Variants in DGKK observed in about 807,000 individuals in gnomAD.
DGKK encodes 142 kDa diacylglycerol kinase.
In DGKK, 35 loss-of-function variants were observed where a neutral mutation model predicts 92.2. The observed-to-expected ratio is 0.38, with a 90% CI of 0.29 to 0.50. The LOEUF (loss-of-function observed/expected upper bound fraction) is 0.50. DGKK is among the 20% of genes least tolerant of loss of function. The pLI is 0.92. For synonymous variants in DGKK, 368 were observed against 360.6 expected (o/e 1.02, Z -0.23); for missense variants, 910 against 992.2 (o/e 0.92, Z 1.11).
chrX:50,469,511 G>A (rs1360704212), intron 1 of DGKK, among the ~76,000 whole-genome samples: 1 of 112,312 alleles, frequency 8.9e-6, no homozygotes, highest in African/African-American at 3.2e-5. Flanking sequence ...GCACCTCCCT[G>A]GAGGGCCGCC....
At chrX:50,419,776 TTGCACCAGTTAC>T (rs1311587508) in intron 4 of DGKK, among the ~76,000 whole-genome samples, 4 of 111,993 alleles carry the variant, frequency 3.6e-5, no homozygotes, top group Non-Finnish European at 7.5e-5. Context: ...TGAAGTTTGA[TTGCACCAGTTAC>T]TGCAGGGAGC....
At chrX:50,451,172 T>C (rs1414135574) in intron 1 of DGKK, among the ~76,000 whole-genome samples, 1 of 111,314 alleles carries the variant, frequency 9.0e-6, no homozygotes, top group Non-Finnish European at 1.9e-5. Context: ...ACTTCTCTAG[T>C]CCTCTATGAA....
chrX:50,447,357 AAT>A lies in DGKK; in HGVS notation c.645+22675_645+22676del, dbSNP rs1557231987. ...ATATATATATATTATATATATATAT[AAT>A]ATATATATATTATATATATATATAA... is the stretch of plus-strand genomic sequence containing the variant. On this transcript the variant is annotated intron_variant, in intron 1 of 27. Transcript: ENST00000611977. 2.0e-3 allele frequency among the ~76,000 whole-genome samples: 16 copies of A among 8,159 alleles called. 1 individual carries two copies. Among genetic ancestry groups the A allele is most frequent in the East Asian group, 0.015 (3 of 194 alleles). The allele number at this position is 8,159 out of a possible 115,157, so 7.1% of individuals were successfully genotyped here. A position where few individuals can be genotyped will look rare whatever the true frequency, so the allele number is the denominator to read the frequency against.
chrX:50,399,334 T>C (rs1924935914), intron 8 of DGKK, among the ~76,000 whole-genome samples: 2 of 112,132 alleles, frequency 1.8e-5, no homozygotes, highest in South Asian at 7.4e-4. Flanking sequence ...TTGTAACGGC[T>C]ACAGGAATCT....
At chrX:50,438,155 A>T (rs1251871588) in intron 1 of DGKK, among the ~76,000 whole-genome samples, 1 of 110,523 alleles carries the variant, frequency 9.0e-6, no homozygotes, top group African/African-American at 3.3e-5. Context: ...TTTGAAGCAA[A>T]CTCACTAACA....
At chrX:50,469,082 T>C (rs1319415035) in intron 1 of DGKK, among the ~76,000 whole-genome samples, 2 of 110,964 alleles carry the variant, frequency 1.8e-5, no homozygotes, top group African/African-American at 6.6e-5. Flanking sequence ...CGAAAACCTT[T>C]TTCCTCCCTA....
chrX:50,417,386 T>C (rs1925461515), intron 4 of DGKK, among the ~76,000 whole-genome samples: 1 of 110,583 alleles, frequency 9.0e-6, no homozygotes, highest in African/African-American at 3.3e-5. Flanking sequence ...AAAGGCCACA[T>C]GACTTACATC....
intron 16 of DGKK, 94 bp from the exon 17 acceptor site, chrX:50,384,358 G>A: frequency 1.8e-6 from 1 of 562,972 alleles, no homozygotes; most frequent in African/African-American, 2.3e-5. Flanking sequence ...GTGGAGGCAG[G>A]GTCAAGCTCA....
At chrX:50,399,931 C>T (rs1924953284) in intron 8 of DGKK, among the ~76,000 whole-genome samples, 1 of 111,760 alleles carries the variant, frequency 8.9e-6, no homozygotes, top group African/African-American at 3.2e-5. Context: ...AGTGAATCAT[C>T]CCTGTGGGGT....
chrX:50,469,954 G>T, intron 1 of DGKK, 80 bp downstream of exon 1: 1 of 1,113,477 alleles, frequency 9.0e-7, no homozygotes, highest in Admixed American at 3.2e-5. Flanking sequence ...GATGCAAGGG[G>T]TACCCGGAGT....
At position 50,384,239 on chromosome X, in the gene DGKK, A is replaced by G; in HGVS notation, c.2478T>C (p.Ser826=). The G allele has an allele frequency of 8.5e-7, 1 of 1,178,545 alleles. No homozygotes were observed. Among genetic ancestry groups the G allele is most frequent in the Non-Finnish European group, 1.1e-6 (1 of 876,437 alleles). Reference sequence around the variant, plus strand: ...GGTCCTCACTTTTGAGAGAAGATATAGAAGACAAAGTGCCACGACGAGAAC... The same window carrying G: ...GGTCCTCACTTTTGAGAGAAGATATGGAAGACAAAGTGCCACGACGAGAAC... The part of the protein sequence containing the change: ...RRRSRRGTLS[S]ISSLKSEDLD... The change falls in exon 17 of 28, where the codon TCT becomes TCC. Residue 826 remains serine, a synonymous_variant. Transcript: ENST00000611977.
In DGKK at chrX:50,375,898, C is replaced by T; in HGVS notation, c.3414+126G>A. 7.1e-6 allele frequency: 6 copies of T among 839,670 alleles called. 1 individual carries two copies. Among genetic ancestry groups the T allele is most frequent in the Non-Finnish European group, 9.9e-6 (6 of 603,638 alleles). The allele number at this position is 839,670 out of a possible 1,213,427, so 69.2% of individuals were successfully genotyped here. On this transcript the variant is annotated intron_variant, in intron 24 of 27. Coordinates refer to ENST00000611977, the MANE Select transcript of DGKK (RefSeq NM_001013742.4). ...AGGAATGCCTGCCTTCCCGTCCACT[C>T]TCTCCATCAGTTTCCTGCCATATTT...
intron 2 of DGKK, among the ~76,000 whole-genome samples, chrX:50,423,223 A>T (rs1245944735): frequency 8.9e-6 from 1 of 112,269 alleles, no homozygotes; most frequent in Non-Finnish European, 1.9e-5. Context: ...TAGGCGCATT[A>T]TACATTTCCA....
chrX:50,372,541 C>T (rs892676854), intron 25 of DGKK, among the ~76,000 whole-genome samples: 3 of 111,847 alleles, frequency 2.7e-5, no homozygotes, highest in African/African-American at 9.8e-5. Context: ...GGGTCTGTCT[C>T]CCCAGGCCAT....
intron 19 of DGKK, 96 bp from the exon 20 acceptor site, chrX:50,379,830 A>G: frequency 2.2e-6 from 2 of 918,325 alleles, no homozygotes; most frequent in Non-Finnish European, 3.1e-6. Context: ...CTTCTCTTCC[A>G]TTACATGGAA....
In DGKK at chrX:50,421,793, C is replaced by T. The variant is rs1180395950; in HGVS notation, c.837+653G>A. On this transcript the variant is annotated intron_variant, in intron 3 of 27. Coordinates refer to ENST00000611977, the MANE Select transcript of DGKK (RefSeq NM_001013742.4). ...TCTTTAGTCTGTTAGGTACTATCCC[C>T]TACATGCCTAAGCAGGAACTCCAGT... 4.5e-5 allele frequency among the ~76,000 whole-genome samples: 5 copies of T among 112,081 alleles called. No individual in the cohort carries two copies. The East Asian group carries it at 8.5e-4, about 19-fold the overall frequency.
chrX:50,447,329 T>TATATATATATATATTATATATATATATA (rs1272037385), intron 1 of DGKK, among the ~76,000 whole-genome samples: 1 of 18,454 alleles, frequency 5.4e-5, no homozygotes, highest in Non-Finnish European at 9.0e-5. Context: ...TGTGTATGTA[T>TATATATATATATATTATATATATATATA]ATATATATAT....
At chrX:50,468,538 A>T (rs1248621498) in intron 1 of DGKK, among the ~76,000 whole-genome samples, 1 of 111,624 alleles carries the variant, frequency 9.0e-6, no homozygotes. Context: ...TTGAATTTTT[A>T]AAAACTTATC....
At chrX:50,422,932 C>T in intron 2 of DGKK, among the ~76,000 whole-genome samples, 1 of 111,858 alleles carries the variant, frequency 8.9e-6, no homozygotes, top group Middle Eastern at 4.6e-3. Context: ...TGCAGTGTTG[C>T]TAGTCCCATC....
Sources: gnomAD v4.1 joint callset for allele counts (sites outside exome capture counted in the v4.1 genomes callset) on GRCh38, gnomAD v4.1.1 for gene constraint, MANE v1.5 for transcripts, NCBI Gene and HGNC (gene_info 2026-07-23, HGNC 2026-07-21) for gene names.